The following FNDC3A variants were observed in gnomAD, a reference collection of about 807,000 sequenced individuals.
FNDC3A encodes fibronectin type III domain containing 3A, also known as fibronectin type-III domain-containing protein 3A.
A neutral mutation model predicts 148.9 loss-of-function variants in FNDC3A; 32 were observed. The ratio of observed to expected loss-of-function variants is 0.21; its 90% confidence interval spans 0.16 to 0.29. The LOEUF (loss-of-function observed/expected upper bound fraction) is 0.29, where lower values mean the gene tolerates loss of function less well. Ranked by LOEUF, FNDC3A falls within the 10% of genes least tolerant of loss-of-function variation. The probability of loss-of-function intolerance (pLI) is 1.00; values close to 1 mark genes in which losing one functional copy is unlikely to be tolerated. For synonymous variants in FNDC3A, 472 were observed against 473.6 expected (o/e 1.00, Z 0.04); for missense variants, 1,191 against 1,452.8 (o/e 0.82, Z 2.93).
chr13:49,167,295 C>T lies in FNDC3A; in HGVS notation c.1029C>T (p.Tyr343=). The change falls in exon 9 of 26, where the codon TAC becomes TAT. Residue 343 remains tyrosine (Y), a synonymous_variant. Coordinates refer to ENST00000492622, the MANE Select transcript of FNDC3A (RefSeq NM_001079673.2). Reference sequence around the variant, plus strand: ...ATGATCTCAAGCCAGCCATGGATTACCATGCAAAGTAAGGAATTCCTACAG... The same window carrying T: ...ATGATCTCAAGCCAGCCATGGATTATCATGCAAAGTAAGGAATTCCTACAG... ...TLNDLKPAMD[Y]HAKVQAEYNS... is the part of the protein sequence containing the mutation. The T allele has an allele frequency of 6.3e-7, 1 of 1,599,220 alleles. No homozygotes were observed. Among genetic ancestry groups the T allele is most frequent in the Non-Finnish European group, 8.5e-7 (1 of 1,170,520 alleles).
intron 3 of FNDC3A, among the ~76,000 whole-genome samples, chr13:49,085,018 A>T (rs1309118055): frequency 6.6e-6 from 1 of 152,002 alleles, no homozygotes; most frequent in Non-Finnish European, 1.5e-5. Context: ...TTCCTCAAGT[A>T]CCTGATCCTG....
intron 3 of FNDC3A, 57 bp downstream of exon 3, chr13:49,075,421 G>A: frequency 1.0e-6 from 1 of 987,892 alleles, no homozygotes; most frequent in East Asian, 2.4e-5. Context: ...AAAAATTTAT[G>A]ATACATAATA....
intron 3 of FNDC3A, among the ~76,000 whole-genome samples, chr13:49,078,444 A>C (rs1244176901): frequency 6.6e-6 from 1 of 152,246 alleles, no homozygotes; most frequent in Non-Finnish European, 1.5e-5. Context: ...TCCTTTCTCT[A>C]TATGACAGAT....
At chr13:49,006,323 T>A in intron 2 of FNDC3A, 34 bp downstream of exon 2, 1 of 1,238,884 alleles carries the variant, frequency 8.1e-7, no homozygotes, top group Non-Finnish European at 1.2e-6. Context: ...TCTTTATGTC[T>A]AATACACATG....
chr13:49,111,753 G>T (rs4530025), intron 3 of FNDC3A, among the ~76,000 whole-genome samples: 94,772 of 150,954 alleles, frequency 0.63, 30,255 homozygotes, highest in Non-Finnish European at 0.68. Flanking sequence ...ATCTAACCAT[G>T]TACAATTTCT....
chr13:49,001,961 A>G (rs1358438906), intron 1 of FNDC3A, among the ~76,000 whole-genome samples: 1 of 152,096 alleles, frequency 6.6e-6, no homozygotes, highest in African/African-American at 2.4e-5. Flanking sequence ...GAAAATCACT[A>G]ACAAAAACTT....
intron 2 of FNDC3A, among the ~76,000 whole-genome samples, chr13:49,041,496 C>A (rs1198133625): frequency 6.6e-6 from 1 of 152,136 alleles, no homozygotes; most frequent in Non-Finnish European, 1.5e-5. Flanking sequence ...GTTGTTTATT[C>A]ATTGAACGAA....
chr13:49,107,749 C>A (rs578206815), intron 3 of FNDC3A, among the ~76,000 whole-genome samples: 1 of 152,172 alleles, frequency 6.6e-6, no homozygotes, highest in Non-Finnish European at 1.5e-5. Context: ...CTCTGATAAT[C>A]ATCCTAGAAA....
At chr13:49,109,735 CAGAA>C (rs1014084366) in intron 3 of FNDC3A, among the ~76,000 whole-genome samples, 1 of 152,020 alleles carries the variant, frequency 6.6e-6, no homozygotes, top group Non-Finnish European at 1.5e-5. Flanking sequence ...TTAAAAAAAT[CAGAA>C]AGAAAATAAA....
chr13:49,134,801 CTTTTTTTTTTTTTT>C (rs528015993), intron 5 of FNDC3A, among the ~76,000 whole-genome samples: 2 of 6,178 alleles, frequency 3.2e-4, no homozygotes, highest in Non-Finnish European at 5.3e-4. Context: ...TTTTCTTTTC[CTTTTTTTTTTTTTT>C]TTTTTTTTTG....
chr13:49,148,509 A>G (rs1883116696), intron 8 of FNDC3A, among the ~76,000 whole-genome samples: 1 of 152,154 alleles, frequency 6.6e-6, no homozygotes, highest in Non-Finnish European at 1.5e-5. Context: ...ATTGTTAAAA[A>G]GTCATTTGGC....
At chr13:49,120,308 C>G (rs887949760) in intron 4 of FNDC3A, among the ~76,000 whole-genome samples, 1 of 152,118 alleles carries the variant, frequency 6.6e-6, no homozygotes, top group Non-Finnish European at 1.5e-5. Flanking sequence ...TTCATCACCA[C>G]CAGGCCTGCC....
chr13:49,060,008 A>G (rs544396715), intron 2 of FNDC3A, among the ~76,000 whole-genome samples: 1 of 152,340 alleles, frequency 6.6e-6, no homozygotes, highest in African/African-American at 2.4e-5. Context: ...AAATGGAATA[A>G]CAAACTGGCA....
Position 49,157,574 on chromosome 13 carries a change from TC to T in FNDC3A, c.978-9668del, listed in dbSNP as rs1434991300. ...TTCCGTTGCTGGTGAGGAACTGCGT[TC>T]CTTTGGAGGAGGAGAGGTGCTCTGC... On this transcript the variant is annotated intron_variant, in intron 8 of 25. Transcript: ENST00000492622. Among the ~76,000 whole-genome samples the T allele has an allele frequency of 4.1e-3, 621 of 151,272 alleles. 4 individuals are homozygous for T. The highest frequency in any genetic ancestry group is 0.014 in the African/African-American group (594 of 41,372).
At chr13:49,016,349 G>A (rs1393114369) in intron 2 of FNDC3A, among the ~76,000 whole-genome samples, 2 of 152,054 alleles carry the variant, frequency 1.3e-5, no homozygotes. Context: ...TATGTGTCGA[G>A]GAATGTATCC....
At chr13:49,040,915 C>A (rs533135575) in intron 2 of FNDC3A, among the ~76,000 whole-genome samples, 1 of 152,210 alleles carries the variant, frequency 6.6e-6, no homozygotes, top group African/African-American at 2.4e-5. Context: ...CATATTTTAT[C>A]TCAGGTAATA....
intron 1 of FNDC3A, among the ~76,000 whole-genome samples, chr13:49,001,156 T>TTATTAG (rs1349759196): frequency 1.9e-4 from 29 of 152,324 alleles, no homozygotes; most frequent in South Asian, 1.2e-3. Context: ...TCATGGACAT[T>TTATTAG]TATTAGTTCC....
At chr13:49,074,283 T>C (rs183384937) in intron 2 of FNDC3A, among the ~76,000 whole-genome samples, 3 of 151,764 alleles carry the variant, frequency 2.0e-5, no homozygotes, top group East Asian at 1.9e-4. Flanking sequence ...GTCATTCTTA[T>C]GCCTTTGCAT....
At chr13:49,019,619 G>T (rs1220793373) in intron 2 of FNDC3A, among the ~76,000 whole-genome samples, 4 of 152,160 alleles carry the variant, frequency 2.6e-5, no homozygotes, top group African/African-American at 9.7e-5. Context: ...GGCCATCTTG[G>T]CTCCTCCCCT....
Sources: allele counts gnomAD v4.1 joint callset (sites outside exome capture counted in the v4.1 genomes callset), GRCh38; gene constraint gnomAD v4.1.1; transcripts MANE v1.5; gene names NCBI Gene and HGNC (gene_info 2026-07-23, HGNC 2026-07-21).